COL10A1: variants seen among roughly 807,000 people sequenced by gnomAD.
The protein encoded by COL10A1 is collagen alpha-1(X) chain.
A neutral mutation model predicts 18.2 loss-of-function variants in COL10A1; 10 were observed. The observed-to-expected ratio is 0.55, with a 90% CI of 0.34 to 0.93. COL10A1 has a LOEUF of 0.93. Ranked by LOEUF, COL10A1 falls within the 40% of genes least tolerant of loss-of-function variation. The pLI, the probability that COL10A1 is intolerant of heterozygous loss-of-function variation, is 0.02. For synonymous variants in COL10A1, 330 were observed against 316.6 expected, an observed-to-expected ratio of 1.04 and a Z score of -0.45; for missense variants, 897 against 853.5, an observed-to-expected ratio of 1.05 and a Z score of -0.64.
chr6:116,192,712 C>T, the COL10A1 span, among the ~76,000 whole-genome samples: 1 of 152,022 alleles, frequency 6.6e-6, no homozygotes, highest in Non-Finnish European at 1.5e-5. Context: ...GAGTGTAAAA[C>T]TTCAACTAAC....
intron 1 of COL10A1, among the ~76,000 whole-genome samples, chr6:116,133,460 T>C (rs989962261): frequency 6.6e-6 from 1 of 152,208 alleles, no homozygotes; most frequent in Non-Finnish European, 1.5e-5. Flanking sequence ...CCATCTATAG[T>C]GTACAAAGTA....
chr6:116,198,331 T>C, the COL10A1 span, among the ~76,000 whole-genome samples: 2 of 152,076 alleles, frequency 1.3e-5, no homozygotes, highest in Non-Finnish European at 2.9e-5. Flanking sequence ...TATATGGAGA[T>C]AGGCCTTTCC....
chr6:116,185,076 A>C, the COL10A1 span, among the ~76,000 whole-genome samples: 1 of 152,042 alleles, frequency 6.6e-6, no homozygotes, highest in Non-Finnish European at 1.5e-5. Context: ...ATTATCATTA[A>C]GTTTAAAGAA....
chr6:116,135,870 T>TAC (rs1171866948), intron 1 of COL10A1, among the ~76,000 whole-genome samples: 83 of 119,270 alleles, frequency 7.0e-4, no homozygotes, highest in African/African-American at 2.5e-3. Flanking sequence ...TATATATATA[T>TAC]ATACACACAT....
intron 1 of COL10A1, among the ~76,000 whole-genome samples, chr6:116,140,956 A>C (rs897670300): frequency 6.6e-5 from 10 of 152,148 alleles, no homozygotes; most frequent in Non-Finnish European, 1.5e-4. Flanking sequence ...ATGCAAAAGA[A>C]TCTTTCTAGG....
At chr6:116,138,476 A>G (rs1200296568) in intron 1 of COL10A1, among the ~76,000 whole-genome samples, 2 of 152,230 alleles carry the variant, frequency 1.3e-5, no homozygotes, top group African/African-American at 2.4e-5. Context: ...ATTCTTTACA[A>G]TTGAAAGAGC....
chr6:116,128,037 A>G (rs971529441), upstream of COL10A1, among the ~76,000 whole-genome samples: 2 of 152,100 alleles, frequency 1.3e-5, no homozygotes, highest in Non-Finnish European at 2.9e-5. Flanking sequence ...GCTGTTCTCC[A>G]TGGTCAGATG....
At chr6:116,134,630 A>G (rs1582824659) in intron 1 of COL10A1, among the ~76,000 whole-genome samples, 1 of 152,176 alleles carries the variant, frequency 6.6e-6, no homozygotes, top group East Asian at 1.9e-4. Context: ...GCTGGTTTGG[A>G]CCTGAGTCTT....
At chr6:116,127,635 AAAGTAGGT>A (rs1393860746), upstream of COL10A1, among the ~76,000 whole-genome samples, 3 of 152,154 alleles carry the variant, frequency 2.0e-5, no homozygotes, top group African/African-American at 7.2e-5. Flanking sequence ...CAATTTTGAA[AAAGTAGGT>A]GAGGTAACTT....
intron 1 of COL10A1, among the ~76,000 whole-genome samples, chr6:116,155,855 T>C (rs1780178964): frequency 6.6e-6 from 1 of 151,972 alleles, no homozygotes; most frequent in Non-Finnish European, 1.5e-5. Context: ...AGCTTATACA[T>C]TTTATGCTAT....
At chr6:116,192,982 G>C in the COL10A1 span, among the ~76,000 whole-genome samples, 18 of 152,176 alleles carry the variant, frequency 1.2e-4, no homozygotes, top group Admixed American at 9.8e-4. Context: ...CTATTTGTAT[G>C]AGATATACTT....
the COL10A1 span, among the ~76,000 whole-genome samples, chr6:116,178,950 A>C: frequency 6.6e-6 from 1 of 152,220 alleles, no homozygotes. Context: ...CTGAAGGCAC[A>C]AAGACAGTGA....
At chr6:116,178,092 CGCGCGCGCGCGTGCGT>C in the COL10A1 span, among the ~76,000 whole-genome samples, 2 of 68,800 alleles carry the variant, frequency 2.9e-5, no homozygotes, top group African/African-American at 6.4e-5. Context: ...TGTGTGTGCG[CGCGCGCGCGCGTGCGT>C]GCGTGTGTGT....
Position 116,125,431 on chromosome 6 carries a change from T to C in COL10A1, c.62A>G (p.Tyr21Cys). The C allele has an allele frequency of 6.2e-7, 1 of 1,613,878 alleles. No homozygotes were observed. Among genetic ancestry groups the C allele is most frequent in the Non-Finnish European group, 8.5e-7 (1 of 1,179,856 alleles). ...TGTGGGCATTTGGTATCGTTCAGCG[T>C]AAAACACTCCATGAACCAAGTTCAA... ...VSLNLVHGVF[Y>C]AERYQMPTGI... Residue 21 changes from tyrosine to cysteine, a missense_variant, in exon 2 of 3, where the codon TAC becomes TGC. Coordinates refer to ENST00000651968, the MANE Select transcript of COL10A1 (RefSeq NM_000493.4).
rs1212067037 is a variant in COL10A1 at position 116,120,850 on chromosome 6, G to A, written c.1266C>T (p.Gly422=). Residue 422 remains glycine, a synonymous_variant, in exon 3 of 3, where the codon GGC becomes GGT. Coordinates refer to ENST00000651968, the MANE Select transcript of COL10A1 (RefSeq NM_000493.4). The stretch of plus-strand genomic sequence containing the variant: ...CCTTTGCTCCTGCTGGGCCCACAGG[G>A]CCTGGGAGACCAGGAGGTCCTCCAA... ...PGVGGPPGLP[G]PVGPAGAKGM... 2.5e-6 allele frequency: 4 copies of A among 1,613,874 alleles called. No homozygotes were observed. The highest frequency in any genetic ancestry group is 2.2e-5 in the East Asian group (1 of 44,882).
Position 116,121,365 on chromosome 6 carries a change from G to A in COL10A1, c.751C>T (p.Pro251Ser), listed in dbSNP as rs1417010255. 2 of 1,613,936 alleles carry A rather than the reference G, an allele frequency of 1.2e-6. No homozygotes were observed. Among genetic ancestry groups the A allele is most frequent in the African/African-American group, 1.3e-5 (1 of 74,898 alleles). The change falls in exon 3 of 3, where the codon CCC (proline) becomes TCC (serine). Residue 251 changes from proline to serine, a missense_variant. Pro to Ser is a moderately conservative substitution (Grantham distance 74, BLOSUM62 -1). Transcript: ENST00000651968. ...GEMGPIGPPG[P>S]QGPPGERGPE... ...CCTCGTTCCCCAGGAGGGCCTTGGG[G>A]ACCTGGTGGGCCAATTGGTCCCATT... is the stretch of plus-strand genomic sequence containing the variant.
the COL10A1 span, among the ~76,000 whole-genome samples, chr6:116,217,081 TAAC>T: frequency 6.6e-6 from 1 of 152,198 alleles, no homozygotes; most frequent in African/African-American, 2.4e-5. Context: ...GTGATACAGT[TAAC>T]AAGAAAAAGC....
the COL10A1 span, among the ~76,000 whole-genome samples, chr6:116,168,990 A>T: frequency 3.3e-5 from 5 of 152,124 alleles, no homozygotes; most frequent in Non-Finnish European, 5.9e-5. Flanking sequence ...ATTAACTTCT[A>T]ATAAACCCTG....
At chr6:116,148,429 A>G (rs11967113) in intron 1 of COL10A1, among the ~76,000 whole-genome samples, 4,963 of 152,274 alleles carry the variant, frequency 0.033, 285 homozygotes, top group African/African-American at 0.11. Context: ...GAACATTTGA[A>G]TACAGTGATA....
Sources: gnomAD v4.1 joint callset for allele counts (sites outside exome capture counted in the v4.1 genomes callset) on GRCh38, gnomAD v4.1.1 for gene constraint, MANE v1.5 for transcripts, NCBI Gene and HGNC (gene_info 2026-07-23, HGNC 2026-07-21) for gene names.